DNAI7: variants seen among roughly 807,000 people sequenced by gnomAD.
DNAI7 encodes the protein cancer susceptibility 1.
In DNAI7, 78 loss-of-function variants were observed where a neutral mutation model predicts 86.6. The ratio of observed to expected loss-of-function variants is 0.90; its 90% CI spans 0.75 to 1.09. The LOEUF is 1.09. Among genes scored for constraint, DNAI7 ranks in the 50% least tolerant of loss-of-function variants. The pLI, the probability that DNAI7 is intolerant of heterozygous loss-of-function variation, is 0.00. For synonymous variants in DNAI7, 274 were observed against 273.0 expected, an observed-to-expected ratio of 1.00 and a Z score of -0.04; for missense variants, 753 against 810.2, an observed-to-expected ratio of 0.93 and a Z score of 0.86.
At chr12:25,171,471 T>C (rs1229822379) in intron 2 of DNAI7, among the ~76,000 whole-genome samples, 2 of 152,022 alleles carry the variant, frequency 1.3e-5, no homozygotes, top group Non-Finnish European at 1.5e-5. Context: ...GAGATTGAAA[T>C]GGTAATTTAA....
rs538306935 is a variant in DNAI7 at position 25,138,763 on chromosome 12, A to T, written c.1002+5602T>A. Among the ~76,000 whole-genome samples the T allele has an allele frequency of 2.2e-4, 34 of 151,300 alleles. 1 individual carries two copies. The highest frequency in any genetic ancestry group is 7.7e-4 in the African/African-American group (32 of 41,478). On this transcript the variant is annotated intron_variant, in intron 9 of 15. Coordinates refer to ENST00000395987, the MANE Select transcript of DNAI7 (RefSeq NM_018272.5). The stretch of plus-strand genomic sequence containing the variant: ...CCTAAATCAAAAACTCTGAAAGAGC[A>T]CAAATAGAAAATCTGAAGACACACC...
rs763962207 is a variant in DNAI7 at position 25,188,265 on chromosome 12, T to C, written c.21+2349A>G. 5.3e-5 allele frequency among the ~76,000 whole-genome samples: 8 copies of C among 152,288 alleles called. No individual in the cohort carries two copies. The East Asian group carries it at 5.8e-4, about 11-fold the overall frequency. ...AAACAGAAGGTGCAGAATGCTCCCATAGGCAGGGAGAAAAGGGGTCTCTGT... is the reference window on the plus strand; with the variant it reads ...AAACAGAAGGTGCAGAATGCTCCCACAGGCAGGGAGAAAAGGGGTCTCTGT... On this transcript the variant is annotated intron_variant, in intron 2 of 15. Coordinates refer to ENST00000395987, the MANE Select transcript of DNAI7 (RefSeq NM_018272.5).
intron 2 of DNAI7, among the ~76,000 whole-genome samples, chr12:25,182,665 G>A (rs1260127918): frequency 4.7e-5 from 7 of 149,896 alleles, no homozygotes; most frequent in Non-Finnish European, 1.0e-4. Context: ...TCTCATGCCT[G>A]TAATCTCAGT....
Position 25,111,863 on chromosome 12 carries a change from G to A in DNAI7, c.1688C>T (p.Thr563Ile), listed in dbSNP as rs911414197. The change falls in exon 14 of 16, where the codon ACT becomes ATT. Residue 563 changes from threonine (T) to isoleucine (I), a missense_variant. By Grantham distance (89) the Thr-to-Ile change is moderately conservative (BLOSUM62 -1). Coordinates refer to ENST00000395987, the MANE Select transcript of DNAI7 (RefSeq NM_018272.5). Reference protein sequence around the residue: ...HISILEGTWMTPIPFIIALKE... With the variant: ...HISILEGTWMIPIPFIIALKE... The stretch of plus-strand genomic sequence containing the variant: ...CAAAGCAATAATGAAAGGAATAGGA[G>A]TCATCCAGGTTCCTTCCAAAATAGA... The A allele has an allele frequency of 2.4e-5, 39 of 1,605,730 alleles. No homozygotes were observed. Among genetic ancestry groups the A allele is most frequent in the Non-Finnish European group, 3.1e-5 (36 of 1,174,450 alleles).
chr12:25,182,244 G>A (rs1352698497), intron 2 of DNAI7, among the ~76,000 whole-genome samples: 2 of 151,332 alleles, frequency 1.3e-5, no homozygotes, highest in Non-Finnish European at 2.9e-5. Flanking sequence ...CTACTCGGGA[G>A]GCTGAGGCAG....
Position 25,123,305 on chromosome 12 carries a change from A to G in DNAI7, c.1003-19T>C. 3 of 1,559,932 alleles carry G rather than the reference A, an allele frequency of 1.9e-6. No homozygotes were observed. The highest frequency in any genetic ancestry group is 2.6e-6 in the Non-Finnish European group (3 of 1,141,426). ...CAGAACTCTATAAAAAACCACAGAC[A>G]TATGGGTGTGATTGTCAGTGTCTAC... On this transcript the variant is annotated intron_variant, in intron 9 of 15. Transcript: ENST00000395987.
At chr12:25,187,286 A>G (rs1474733023) in intron 2 of DNAI7, among the ~76,000 whole-genome samples, 1 of 152,086 alleles carries the variant, frequency 6.6e-6, no homozygotes, top group Non-Finnish European at 1.5e-5. Context: ...TAATATACTC[A>G]TTCCCCCAGG....
intron 9 of DNAI7, among the ~76,000 whole-genome samples, chr12:25,128,658 T>C (rs999526986): frequency 6.6e-6 from 1 of 152,206 alleles, no homozygotes; most frequent in Non-Finnish European, 1.5e-5. Flanking sequence ...CTCTGTAAAC[T>C]GTATCACCAT....
At chr12:25,117,208 A>G (rs1940291214) in intron 12 of DNAI7, among the ~76,000 whole-genome samples, 2 of 152,224 alleles carry the variant, frequency 1.3e-5, no homozygotes, top group African/African-American at 4.8e-5. Context: ...TGCTGGGATT[A>G]CAGGCATGAG....
chr12:25,119,441 A>G (rs1592223530), intron 11 of DNAI7, 140 bp from the exon 12 acceptor site: 1 of 510,696 alleles, frequency 2.0e-6, no homozygotes, highest in Non-Finnish European at 3.3e-6. Flanking sequence ...ACAAAATGTC[A>G]CAACAAAATT....
chr12:25,139,491 A>T (rs1279060324), intron 9 of DNAI7, among the ~76,000 whole-genome samples: 1 of 152,210 alleles, frequency 6.6e-6, no homozygotes, highest in East Asian at 1.9e-4. Flanking sequence ...ATCCAACAGC[A>T]TATCAAAAAG....
chr12:25,125,263 G>A (rs543407756), intron 9 of DNAI7, among the ~76,000 whole-genome samples: 1 of 152,046 alleles, frequency 6.6e-6, no homozygotes, highest in Admixed American at 6.6e-5. Flanking sequence ...CCTATTCCCC[G>A]CAACCTCACC....
intron 2 of DNAI7, among the ~76,000 whole-genome samples, chr12:25,184,934 A>G (rs918461882): frequency 6.8e-6 from 1 of 147,840 alleles, no homozygotes; most frequent in Admixed American, 6.9e-5. Context: ...GTTTGAGACC[A>G]CCCTGGACAA....
intron 2 of DNAI7, among the ~76,000 whole-genome samples, chr12:25,166,076 T>C (rs1947428600): frequency 6.6e-6 from 1 of 152,072 alleles, no homozygotes; most frequent in South Asian, 2.1e-4. Flanking sequence ...TAGCAACTGA[T>C]CATGCACCCC....
At chr12:25,147,917 A>G (rs1382727996) in intron 7 of DNAI7, among the ~76,000 whole-genome samples, 1 of 152,192 alleles carries the variant, frequency 6.6e-6, no homozygotes, top group Non-Finnish European at 1.5e-5. Context: ...TTTAATATCC[A>G]ATATTAACCA....
intron 2 of DNAI7, among the ~76,000 whole-genome samples, chr12:25,182,995 GA>G (rs1283894980): frequency 6.6e-6 from 1 of 150,704 alleles, no homozygotes; most frequent in African/African-American, 2.4e-5. Context: ...GAGAAGGAGA[GA>G]AAGAAAGAAA....
chr12:25,145,553 C>CAA (rs1565718282), intron 8 of DNAI7, among the ~76,000 whole-genome samples: 4 of 152,124 alleles, frequency 2.6e-5, no homozygotes, highest in African/African-American at 9.7e-5. Flanking sequence ...AGAAAGGTTA[C>CAA]TATATTGTCT....
chr12:25,181,784 C>T (rs528987159), intron 2 of DNAI7, among the ~76,000 whole-genome samples: 20 of 152,068 alleles, frequency 1.3e-4, no homozygotes, highest in Non-Finnish European at 2.1e-4. Flanking sequence ...TGCTCAAGAT[C>T]ACTAATCAGA....
chr12:25,153,508 G>A (rs1006743358), intron 6 of DNAI7, among the ~76,000 whole-genome samples: 10 of 152,086 alleles, frequency 6.6e-5, no homozygotes, highest in Non-Finnish European at 1.5e-5. Flanking sequence ...TAAGCCAAAC[G>A]CATCTTATCT....
Sources: allele counts gnomAD v4.1 joint callset (sites outside exome capture counted in the v4.1 genomes callset), GRCh38; gene constraint gnomAD v4.1.1; transcripts MANE v1.5; gene names NCBI Gene and HGNC (gene_info 2026-07-23, HGNC 2026-07-21).